DAB1: variants seen among roughly 807,000 people sequenced by gnomAD.
DAB1 encodes the protein DAB adaptor protein 1, also known as disabled homolog 1.
A neutral mutation model predicts 64.6 loss-of-function variants in DAB1; 15 were observed. The ratio of observed to expected loss-of-function variants is 0.23; its 90% CI spans 0.16 to 0.36. DAB1 has a LOEUF of 0.36. Among genes scored for constraint, DAB1 ranks in the 10% least tolerant of loss-of-function variants. DAB1 has a pLI of 1.00. For missense variants in DAB1, 596 were observed against 706.7 expected, an observed-to-expected ratio of 0.84 and a Z score of 1.78; for synonymous variants, 235 against 251.9, an observed-to-expected ratio of 0.93 and a Z score of 0.64.
intron 7 of DAB1, among the ~76,000 whole-genome samples, chr1:57,606,623 ATGAAATATATTATATATGAAAT>A (rs1645651677): frequency 1.9e-5 from 1 of 53,322 alleles, no homozygotes; most frequent in East Asian, 6.4e-4. Context: ...TATATAATAT[ATGAAATATATTATATATGAAAT>A]ATATATTATG....
chr1:57,290,394 T>C (rs680197), intron 2 of DAB1, among the ~76,000 whole-genome samples: 61,586 of 152,066 alleles, frequency 0.4, 13,054 homozygotes, highest in Admixed American at 0.58. Context: ...CTACCCTAGA[T>C]TTACTGAATC....
intron 2 of DAB1, among the ~76,000 whole-genome samples, chr1:57,178,343 A>T (rs746612967): frequency 3.6e-4 from 54 of 151,994 alleles, no homozygotes; most frequent in Non-Finnish European, 5.1e-4. Flanking sequence ...TCAAACCCAG[A>T]TGTTATAGAA....
intron 5 of DAB1, among the ~76,000 whole-genome samples, chr1:58,116,758 T>C (rs1352741864): frequency 1.3e-5 from 2 of 152,200 alleles, no homozygotes; most frequent in East Asian, 3.9e-4. Context: ...AGTTCTTTAA[T>C]TCTGAAACAT....
Position 58,133,603 on chromosome 1 carries a change from G to A in DAB1, n.387+16908C>T, listed in dbSNP as rs1653769852. Among the ~76,000 whole-genome samples, 3 of 152,258 alleles carry A rather than the reference G, an allele frequency of 2.0e-5. No individual in the cohort carries two copies. In the South Asian group the frequency reaches 6.2e-4, roughly 32 times the overall value. On this transcript the variant is annotated intron_variant and non_coding_transcript_variant, in intron 5 of 20. Transcript: ENST00000485760. ...TTTCTTTCACTGATTCATTTATTTAGCAATTGATCAATAAGTTTATTGATC... is the reference window on the plus strand; with the variant it reads ...TTTCTTTCACTGATTCATTTATTTAACAATTGATCAATAAGTTTATTGATC...
chr1:57,273,589 T>TC (rs1671205228), intron 2 of DAB1, among the ~76,000 whole-genome samples: 3 of 118,492 alleles, frequency 2.5e-5, no homozygotes, highest in African/African-American at 1.1e-4. Flanking sequence ...CTTCCTTCCT[T>TC]CCTTCCTTCC....
At chr1:58,248,008 A>G (rs1164339547) in intron 4 of DAB1, among the ~76,000 whole-genome samples, 2 of 152,012 alleles carry the variant, frequency 1.3e-5, no homozygotes, top group Non-Finnish European at 1.5e-5. Context: ...ATTTTTAAAA[A>G]GGAGCAAGGC....
chr1:57,311,867 G>A (rs1047878085), intron 1 of DAB1, among the ~76,000 whole-genome samples: 1 of 152,054 alleles, frequency 6.6e-6, no homozygotes, highest in African/African-American at 2.4e-5. Flanking sequence ...TGATGGTGAT[G>A]GTAAAAATAA....
chr1:57,142,550 G>A (rs574549139), intron 3 of DAB1, among the ~76,000 whole-genome samples: 10 of 151,360 alleles, frequency 6.6e-5, no homozygotes, highest in Middle Eastern at 3.4e-3. Context: ...CAGGGCTTTG[G>A]GGACCTCATG....
intron 7 of DAB1, among the ~76,000 whole-genome samples, chr1:57,481,590 G>T (rs1644020997): frequency 6.6e-6 from 1 of 152,106 alleles, no homozygotes; most frequent in Non-Finnish European, 1.5e-5. Flanking sequence ...GCCAAGGTGG[G>T]CAGATCACCT....
chr1:57,273,549 GCCTGCCTTCCTTCCTTCCTT>G (rs1671191045), intron 2 of DAB1, among the ~76,000 whole-genome samples: 2 of 75,822 alleles, frequency 2.6e-5, no homozygotes, highest in African/African-American at 5.0e-5. Context: ...CTGCCTGCCT[GCCTGCCTTCCTTCCTTCCTT>G]CCTTCCTTCC....
chr1:58,292,600 A>T (rs902504774), intron 4 of DAB1, among the ~76,000 whole-genome samples: 22 of 152,150 alleles, frequency 1.4e-4, no homozygotes, highest in Admixed American at 1.4e-3. Flanking sequence ...TGAGTGTGTT[A>T]GTGCTGGTGC....
chr1:57,291,520 T>A (rs577440664), intron 1 of DAB1, among the ~76,000 whole-genome samples: 2 of 152,098 alleles, frequency 1.3e-5, no homozygotes, highest in Non-Finnish European at 2.9e-5. Context: ...ACATTTCCAA[T>A]AAGAGAGCAC....
rs1194466942 is a variant in DAB1, at chr1:57,434,256, G to T, written n.626-143090C>A. 2.0e-5 allele frequency among the ~76,000 whole-genome samples: 3 copies of T among 152,098 alleles called. No homozygotes were observed. The East Asian group carries it at 5.8e-4, about 29-fold the overall frequency. ...TCCAAATGTCTACACACAGCACAAT[G>T]GATACAAAAATTGTACAATATTAAT... On this transcript the variant is annotated intron_variant and non_coding_transcript_variant, in intron 7 of 20. Coordinates refer to the DAB1 transcript ENST00000485760.
intron 4 of DAB1, among the ~76,000 whole-genome samples, chr1:57,121,132 GAAGA>G (rs1557758054): frequency 7.3e-6 from 1 of 136,274 alleles, no homozygotes; most frequent in African/African-American, 3.1e-5. Flanking sequence ...AAGAAGAAGA[GAAGA>G]AGAAGGAGGA....
At chr1:57,838,293 A>G (rs1344311280) in intron 1 of DAB1, among the ~76,000 whole-genome samples, 1 of 152,232 alleles carries the variant, frequency 6.6e-6, no homozygotes, top group Non-Finnish European at 1.5e-5. Context: ...TATAATCCCA[A>G]TATTTTGTTA....
intron 4 of DAB1, among the ~76,000 whole-genome samples, chr1:58,214,423 A>G (rs1379917481): frequency 6.6e-6 from 1 of 152,212 alleles, no homozygotes; most frequent in African/African-American, 2.4e-5. Context: ...AAAAGCTGAC[A>G]AAGGAGATTC....
chr1:57,046,385 T>G (rs1648498357), intron 9 of DAB1, among the ~76,000 whole-genome samples: 1 of 152,230 alleles, frequency 6.6e-6, no homozygotes, highest in Admixed American at 6.5e-5. Context: ...CACCAATATA[T>G]ATTTTCTTAT....
At chr1:58,390,038 C>T (rs924251325) in intron 3 of DAB1, among the ~76,000 whole-genome samples, 3 of 152,116 alleles carry the variant, frequency 2.0e-5, no homozygotes, top group African/African-American at 7.2e-5. Flanking sequence ...TCCCTGAGGG[C>T]CTTAGCAGGG....
rs139932595 is a variant in DAB1 at position 58,022,759 on chromosome 1, AATTTC to A, written n.387+127747_387+127751del. Among the ~76,000 whole-genome samples, 1,335 of 152,228 alleles carry A rather than the reference AATTTC, an allele frequency of 8.8e-3. 33 individuals carry two copies. In the East Asian group the frequency reaches 0.098, roughly 11 times the overall value. ...AATATAATTTGGCACTGCACTTCGG[AATTTC>A]ATTTCTATTACATCTTTGTATCTAG... is the stretch of plus-strand genomic sequence containing the variant. On this transcript the variant is annotated intron_variant and non_coding_transcript_variant, in intron 5 of 20. Coordinates refer to the DAB1 transcript ENST00000485760.
Sources: allele counts gnomAD v4.1 joint callset (sites outside exome capture counted in the v4.1 genomes callset), GRCh38; gene constraint gnomAD v4.1.1; transcripts MANE v1.5; gene names NCBI Gene and HGNC (gene_info 2026-07-23, HGNC 2026-07-21).